The following IMMP2L variants were observed in gnomAD, a reference collection of about 807,000 sequenced individuals.
IMMP2L encodes the protein mitochondrial inner membrane protease subunit 2.
In IMMP2L, 18 loss-of-function variants were observed where a neutral mutation model predicts 19.3. That is an observed-to-expected ratio of 0.93 (90% CI 0.64 to 1.38). The LOEUF (loss-of-function observed/expected upper bound fraction) is 1.38. Ranked by LOEUF, IMMP2L falls within the 40% of genes most tolerant of loss-of-function variation. IMMP2L has a pLI of 0.00. For missense variants in IMMP2L, 233 were observed against 218.2 expected, an observed-to-expected ratio of 1.07 and a Z score of -0.43; for synonymous variants, 76 against 73.0, an observed-to-expected ratio of 1.04 and a Z score of -0.21.
At chr7:111,041,500 G>C (rs1791893278) in intron 3 of IMMP2L, among the ~76,000 whole-genome samples, 1 of 151,446 alleles carries the variant, frequency 6.6e-6, no homozygotes, top group Non-Finnish European at 1.5e-5. Flanking sequence ...TAACCACTCA[G>C]GGGCACATGT....
chr7:111,334,950 GGC>G (rs1467490322), intron 3 of IMMP2L, among the ~76,000 whole-genome samples: 1 of 151,954 alleles, frequency 6.6e-6, no homozygotes, highest in Non-Finnish European at 1.5e-5. Context: ...TCTTTCTTGA[GGC>G]ATATCACTCT....
intron 3 of IMMP2L, among the ~76,000 whole-genome samples, chr7:111,298,286 T>TA (rs1821836710): frequency 6.6e-6 from 1 of 152,100 alleles, no homozygotes; most frequent in Non-Finnish European, 1.5e-5. Context: ...GCTCCACACT[T>TA]ATGAGTTACA....
chr7:111,384,460 C>T (rs1831539064), intron 3 of IMMP2L, among the ~76,000 whole-genome samples: 1 of 152,036 alleles, frequency 6.6e-6, no homozygotes, highest in South Asian at 2.1e-4. Flanking sequence ...GGTCCCCACT[C>T]CAAGTCACAA....
chr7:111,444,846 T>C (rs955784324), intron 3 of IMMP2L, among the ~76,000 whole-genome samples: 3 of 152,114 alleles, frequency 2.0e-5, no homozygotes, highest in African/African-American at 7.2e-5. Flanking sequence ...GCCCCTCTAA[T>C]TACAGTAGGA....
At chr7:111,051,725 T>G (rs1452788916) in intron 3 of IMMP2L, among the ~76,000 whole-genome samples, 2 of 152,196 alleles carry the variant, frequency 1.3e-5, no homozygotes, top group Admixed American at 6.5e-5. Flanking sequence ...GTCAAAGCAT[T>G]TATACATTGA....
At chr7:111,076,249 C>T (rs1363034797) in intron 3 of IMMP2L, among the ~76,000 whole-genome samples, 1 of 152,158 alleles carries the variant, frequency 6.6e-6, no homozygotes, top group African/African-American at 2.4e-5. Context: ...TCCAGCCCTA[C>T]TGAATCAGAA....
At chr7:111,160,714 A>T in intron 3 of IMMP2L, among the ~76,000 whole-genome samples, 1 of 151,026 alleles carries the variant, frequency 6.6e-6, no homozygotes, top group Non-Finnish European at 1.5e-5. Context: ...AATAAAAATT[A>T]AAGAAATATA....
intron 3 of IMMP2L, among the ~76,000 whole-genome samples, chr7:111,333,690 T>C (rs1202543397): frequency 6.6e-6 from 1 of 152,062 alleles, no homozygotes; most frequent in Non-Finnish European, 1.5e-5. Context: ...GCTGACAGTG[T>C]AGCCAGAATA....
intron 3 of IMMP2L, among the ~76,000 whole-genome samples, chr7:111,061,510 CA>C (rs1352082540): frequency 1.3e-5 from 2 of 152,036 alleles, no homozygotes; most frequent in Non-Finnish European, 2.9e-5. Context: ...AAAGGGTGGC[CA>C]GGGGTAATTA....
intron 5 of IMMP2L, among the ~76,000 whole-genome samples, chr7:110,822,057 G>C (rs1205893175): frequency 2.0e-5 from 3 of 152,086 alleles, no homozygotes; most frequent in African/African-American, 4.8e-5. Flanking sequence ...ACCCAGGTGT[G>C]TCTCCTGCCT....
intron 1 of IMMP2L, among the ~76,000 whole-genome samples, chr7:111,526,046 A>T (rs1254963275): frequency 6.6e-6 from 1 of 152,084 alleles, no homozygotes; most frequent in Non-Finnish European, 1.5e-5. Context: ...AAGCAGTAAC[A>T]TATATGAAGG....
chr7:111,006,435 G>T (rs56277540), intron 3 of IMMP2L, among the ~76,000 whole-genome samples: 68,903 of 151,902 alleles, frequency 0.45, 17,352 homozygotes, highest in Non-Finnish European at 0.58. Flanking sequence ...GTGATTCCAG[G>T]AAACAACTAG....
intron 5 of IMMP2L, among the ~76,000 whole-genome samples, chr7:110,771,326 G>C (rs932000906): frequency 2.0e-5 from 3 of 152,108 alleles, no homozygotes; most frequent in Non-Finnish European, 4.4e-5. Context: ...GCTACAGGTT[G>C]ATGCCTCTAA....
At chr7:110,799,726 G>A (rs948195718) in intron 5 of IMMP2L, among the ~76,000 whole-genome samples, 3 of 152,038 alleles carry the variant, frequency 2.0e-5, no homozygotes, top group African/African-American at 7.2e-5. Context: ...GACGGAAAAT[G>A]TTCAGTGGTA....
At chr7:110,906,826 C>T (rs1043569642) in intron 4 of IMMP2L, among the ~76,000 whole-genome samples, 1 of 152,010 alleles carries the variant, frequency 6.6e-6, no homozygotes, top group Non-Finnish European at 1.5e-5. Flanking sequence ...CAATTAATGT[C>T]AGCTTTATGA....
intron 4 of IMMP2L, among the ~76,000 whole-genome samples, chr7:110,960,616 T>C (rs1818831830): frequency 1.3e-5 from 2 of 152,030 alleles, no homozygotes; most frequent in Non-Finnish European, 2.9e-5. Context: ...TTTCTAAATG[T>C]ACTGCTCTTC....
rs907517169 is a variant in IMMP2L at position 111,123,901 on chromosome 7, C to T, written c.240-160336G>A. 7.4e-6 allele frequency: 12 copies of T among 1,613,972 alleles called. No homozygotes were observed. The highest frequency in any genetic ancestry group is 3.3e-4 in the Middle Eastern group (2 of 6,062). On this transcript the variant is annotated intron_variant, in intron 3 of 5. Coordinates refer to ENST00000405709, the MANE Select transcript of IMMP2L (RefSeq NM_032549.4). The surrounding 1 kb of genome is among the most constrained non-coding windows in gnomAD (Gnocchi z 6.4). ...CCCCATCAGGTGTGACTGTGTCATCCGTTGGATGAACATGAACAAAACCAA... is the reference window on the plus strand; with the variant it reads ...CCCCATCAGGTGTGACTGTGTCATCTGTTGGATGAACATGAACAAAACCAA...
chr7:111,152,007 T>C (rs1392200173), intron 3 of IMMP2L, among the ~76,000 whole-genome samples: 2 of 152,104 alleles, frequency 1.3e-5, no homozygotes, highest in South Asian at 2.1e-4. Flanking sequence ...GAAGTGATAA[T>C]AGTATAATAA....
At chr7:111,348,075 G>A (rs1185556530) in intron 3 of IMMP2L, among the ~76,000 whole-genome samples, 2 of 146,112 alleles carry the variant, frequency 1.4e-5, no homozygotes, top group Non-Finnish European at 3.0e-5. Flanking sequence ...ACTCATAGGT[G>A]GGAACTGAAC....
Sources: gnomAD v4.1 joint callset for allele counts (sites outside exome capture counted in the v4.1 genomes callset) on GRCh38, gnomAD v4.1.1 for gene constraint, Gnocchi (gnomAD v3.1) non-coding constraint, MANE v1.5 for transcripts, NCBI Gene and HGNC (gene_info 2026-07-23, HGNC 2026-07-21) for gene names.